Variants in CASZ1 observed in about 807,000 individuals in gnomAD.
The protein encoded by CASZ1 is zinc finger protein castor homolog 1.
Under a neutral mutation model 135.2 loss-of-function variants are expected in CASZ1, and 28 were observed. The ratio of observed to expected loss-of-function variants is 0.21; its 90% CI spans 0.15 to 0.28. The LOEUF (loss-of-function observed/expected upper bound fraction) is 0.28. Ranked by LOEUF, CASZ1 falls within the 10% of genes least tolerant of loss-of-function variation. CASZ1 has a pLI of 1.00. For missense variants in CASZ1, 2,161 were observed against 2,453.3 expected (o/e 0.88, Z 2.52); for synonymous variants, 1,068 against 1,073.4 (o/e 0.99, Z 0.10).
intron 3 of CASZ1, among the ~76,000 whole-genome samples, chr1:10,703,715 C>G (rs897498978): frequency 1.3e-5 from 2 of 152,084 alleles, no homozygotes; most frequent in African/African-American, 2.4e-5. Flanking sequence ...ACCTCTCGAG[C>G]GGGGGCCGGA....
rs929206819 is a variant in CASZ1 at position 10,724,182 on chromosome 1, G to C, written c.-76-18638C>G. Among the ~76,000 whole-genome samples the C allele has an allele frequency of 1.3e-5, 2 of 152,130 alleles. No homozygotes were observed. Among genetic ancestry groups the C allele is most frequent in the Non-Finnish European group, 2.9e-5 (2 of 68,026 alleles). ...CAGCTTTAAAAATACCCCAGCACAC[G>C]ATCCACAGGGTGAGAGCAAAGGCCA... On this transcript the variant is annotated intron_variant, in intron 2 of 20. Transcript: ENST00000377022. The surrounding 1 kb of genome is among the most constrained non-coding windows in gnomAD (Gnocchi z 4.1).
intron 2 of CASZ1, among the ~76,000 whole-genome samples, chr1:10,708,972 G>GA (rs1491543399): frequency 1.3e-5 from 1 of 75,624 alleles, no homozygotes; most frequent in South Asian, 5.7e-4. Context: ...AGGACGGGGA[G>GA]GGGGGGGGCC....
chr1:10,665,550 T>C lies in CASZ1; in HGVS notation c.38A>G (p.Asp13Gly), dbSNP rs780999595. Residue 13 changes from aspartate to glycine, a missense_variant, in exon 5 of 21, where the codon GAC becomes GGC. This residue lies in a region of CASZ1 where 590 missense variants were observed against 609.8 expected (regional missense o/e 0.97). Transcript: ENST00000377022. ...CATGGCGGGCTTGCCTGCAGGCGGG[T>C]CCGTGCACCGGGTGCCCTCAGCTGC... is the stretch of plus-strand genomic sequence containing the variant. The part of the protein sequence containing the change: ...LGTAEGTRCT[D>G]PPAGKPAMAP... The C allele has an allele frequency of 6.4e-7, 1 of 1,569,802 alleles. No individual in the cohort carries two copies. The highest frequency in any genetic ancestry group is 1.8e-5 in the Admixed American group (1 of 56,528).
intron 2 of CASZ1, among the ~76,000 whole-genome samples, chr1:10,745,747 A>G (rs1331835583): frequency 1.1e-4 from 17 of 152,090 alleles, no homozygotes; most frequent in Admixed American, 1.1e-3. Flanking sequence ...CAGAAAAGCC[A>G]CTCATTATCT....
At chr1:10,659,550 C>A (rs1339414172) in intron 6 of CASZ1, 152 bp downstream of exon 6, 2 of 644,698 alleles carry the variant, frequency 3.1e-6, no homozygotes, top group Non-Finnish European at 5.5e-6. Flanking sequence ...TGGATGGGAG[C>A]CTGAGTGTGC....
intron 2 of CASZ1, among the ~76,000 whole-genome samples, chr1:10,736,854 G>C (rs1639807824): frequency 6.6e-6 from 1 of 152,328 alleles, no homozygotes; most frequent in Non-Finnish European, 1.5e-5. Context: ...TGGGGACAAG[G>C]GGAAGGCAGG....
rs1188056696 is a variant in CASZ1, at chr1:10,709,740, A to G, written c.-76-4196T>C. Among the ~76,000 whole-genome samples, 1 of 152,162 alleles carries G rather than the reference A, an allele frequency of 6.6e-6. No individual in the cohort carries two copies. The highest frequency in any genetic ancestry group is 1.5e-5 in the Non-Finnish European group (1 of 68,018). On this transcript the variant is annotated intron_variant, in intron 2 of 20. Coordinates refer to ENST00000377022, the MANE Select transcript of CASZ1 (RefSeq NM_001079843.3). This position sits in a 1 kb window ranked among gnomAD's most constrained non-coding sequence, Gnocchi z 5.1. ...GCAGGGGCTGAGCAGTGCCCCGGGC[A>G]GTGCCGCAGGGGGATGCGCACCAGG...
rs531366137 is a variant in CASZ1, at chr1:10,726,798, G to A, written c.-76-21254C>T. On this transcript the variant is annotated intron_variant, in intron 2 of 20. Transcript: ENST00000377022. This position sits in a 1 kb window ranked among gnomAD's most constrained non-coding sequence, Gnocchi z 5.7. ...CTGCAGCAATCACCCAGGCCCTGAA[G>A]AGAGGCCAGGGAGAGGCTAGCATGG... 1.2e-4 allele frequency among the ~76,000 whole-genome samples: 18 copies of A among 152,316 alleles called. No homozygotes were observed. Among genetic ancestry groups the A allele is most frequent in the Admixed American group, 8.5e-4 (13 of 15,302 alleles).
intron 1 of CASZ1, among the ~76,000 whole-genome samples, chr1:10,771,139 T>C (rs1640568883): frequency 6.6e-6 from 1 of 152,162 alleles, no homozygotes; most frequent in African/African-American, 2.4e-5. Context: ...CAGTTGCGCC[T>C]GCTTTTTCTC....
At chr1:10,780,963 A>C (rs1245227656) in intron 1 of CASZ1, among the ~76,000 whole-genome samples, 2 of 152,166 alleles carry the variant, frequency 1.3e-5, no homozygotes, top group Non-Finnish European at 2.9e-5. Context: ...TCTTTTAATA[A>C]AATAAGAATG....
chr1:10,691,107 T>G (rs1411221230), intron 4 of CASZ1, among the ~76,000 whole-genome samples: 2 of 136,636 alleles, frequency 1.5e-5, no homozygotes, highest in Non-Finnish European at 3.1e-5. Context: ...CTCTCTTTCC[T>G]TTTTTTTTTA....
intron 2 of CASZ1, among the ~76,000 whole-genome samples, chr1:10,752,532 C>T (rs1342971995): frequency 6.6e-6 from 1 of 152,184 alleles, no homozygotes; most frequent in East Asian, 1.9e-4. Context: ...TGCCTCCATC[C>T]TCCTCTCCCT....
chr1:10,795,072 T>C (rs1196339081), intron 1 of CASZ1, among the ~76,000 whole-genome samples: 1 of 152,074 alleles, frequency 6.6e-6, no homozygotes, highest in Non-Finnish European at 1.5e-5. Flanking sequence ...CCGACGGCCA[T>C]CAGCTGCACA....
intron 17 of CASZ1, among the ~76,000 whole-genome samples, chr1:10,645,516 C>T (rs284244): frequency 0.037 from 5,572 of 152,194 alleles, 340 homozygotes; most frequent in African/African-American, 0.12. Flanking sequence ...GGTGACAGAG[C>T]GAGACTGTCT....
intron 5 of CASZ1, 43 bp downstream of exon 5, chr1:10,665,040 C>G (rs1317679730): frequency 6.7e-7 from 1 of 1,488,360 alleles, no homozygotes; most frequent in Non-Finnish European, 8.9e-7. Context: ...CACTGGCCTC[C>G]CTGTCCTGGC....
intron 2 of CASZ1, among the ~76,000 whole-genome samples, chr1:10,743,864 G>A (rs1217414800): frequency 2.0e-5 from 3 of 150,316 alleles, no homozygotes; most frequent in South Asian, 2.1e-4. Flanking sequence ...GAGGGAGGGA[G>A]GGAGAGAGAG....
chr1:10,660,624 G>T, intron 5 of CASZ1, 88 bp from the exon 6 acceptor site: 2 of 1,081,204 alleles, frequency 1.8e-6, no homozygotes, highest in Non-Finnish European at 2.7e-6. Context: ...CCCATAGAGG[G>T]AGGGGGTCAG....
At position 10,645,101 on chromosome 1, in the gene CASZ1, A is replaced by T. The variant is rs768027148; in HGVS notation, c.3697-13T>A. 6.2e-7 allele frequency: 1 copy of T among 1,612,398 alleles called. No homozygotes were observed. Among genetic ancestry groups the T allele is most frequent in the Non-Finnish European group, 8.5e-7 (1 of 1,179,286 alleles). On this transcript the variant is annotated splice_polypyrimidine_tract_variant and intron_variant, in intron 17 of 20. Transcript: ENST00000377022. ...GGAACTCGCAGTGCTGCAGGGAGACACGGGAGGGTCAGGACAGGCGGGTGA... is the reference window on the plus strand; with the variant it reads ...GGAACTCGCAGTGCTGCAGGGAGACTCGGGAGGGTCAGGACAGGCGGGTGA...
In CASZ1 at chr1:10,739,196, C is replaced by T. The variant is rs1048586204; in HGVS notation, c.-77+21505G>A. ...TCTTTTCAGGCCGGCGGCCAGTCCCCGGGCGTACAGCGTGCGGTGCAACCT... is the reference window on the plus strand; with the variant it reads ...TCTTTTCAGGCCGGCGGCCAGTCCCTGGGCGTACAGCGTGCGGTGCAACCT... On this transcript the variant is annotated intron_variant, in intron 2 of 20. Transcript: ENST00000377022. This position sits in a 1 kb window ranked among gnomAD's most constrained non-coding sequence, Gnocchi z 4.8. Among the ~76,000 whole-genome samples the T allele has an allele frequency of 8.5e-5, 13 of 152,268 alleles. No individual in the cohort carries two copies. The highest frequency in any genetic ancestry group is 2.9e-4 in the African/African-American group (12 of 41,558).
Sources: gnomAD v4.1 joint callset for allele counts (sites outside exome capture counted in the v4.1 genomes callset) on GRCh38, gnomAD v4.1.1 for gene constraint, gnomAD v4.1.1 regional missense constraint, Gnocchi (gnomAD v3.1) non-coding constraint, MANE v1.5 for transcripts, NCBI Gene and HGNC (gene_info 2026-07-23, HGNC 2026-07-21) for gene names.